SORL1: variants seen among roughly 807,000 people sequenced by gnomAD.
SORL1 encodes sortilin related receptor 1.
A neutral mutation model predicts 273.7 loss-of-function variants in SORL1; 127 were observed. The observed-to-expected ratio is 0.46, with a 90% CI of 0.40 to 0.54. SORL1 has a LOEUF of 0.54. SORL1 is among the 20% of genes least tolerant of loss of function. The pLI, the probability that SORL1 is intolerant of heterozygous loss-of-function variation, is 0.00. For missense variants in SORL1, 2,494 were observed against 2,846.1 expected (o/e 0.88, Z 2.81); for synonymous variants, 1,031 against 1,067.4 (o/e 0.97, Z 0.66).
chr11:121,484,939 G>A (rs1861450056), intron 3 of SORL1, among the ~76,000 whole-genome samples: 1 of 152,144 alleles, frequency 6.6e-6, no homozygotes, highest in Non-Finnish European at 1.5e-5. Flanking sequence ...ATTTTTAGTA[G>A]AGATGGGGTT....
At chr11:121,545,579 A>C in intron 14 of SORL1, 150 bp downstream of exon 14, 1 of 743,862 alleles carries the variant, frequency 1.3e-6, no homozygotes, top group East Asian at 2.7e-5. Context: ...TGTGCCAGGA[A>C]CTGTGCTAAG....
intron 6 of SORL1, among the ~76,000 whole-genome samples, chr11:121,503,174 T>A (rs538296545): frequency 6.6e-6 from 1 of 152,270 alleles, no homozygotes; most frequent in South Asian, 2.1e-4. Context: ...CCAGCCGTGT[T>A]TTTAATTTTG....
Position 121,570,140 on chromosome 11 carries a change from CG to C in SORL1, c.3224-16del. On this transcript the variant is annotated splice_polypyrimidine_tract_variant and intron_variant, in intron 22 of 47. Transcript: ENST00000260197. ...ATATTGGTTTCATTTCCTCCCCTGC[CG>C]CACTCTGATGGGTAGAGAACACCTG... 1 of 1,562,380 alleles carries C rather than the reference CG, an allele frequency of 6.4e-7. No homozygotes were observed. Among genetic ancestry groups the C allele is most frequent in the Admixed American group, 1.7e-5 (1 of 59,670 alleles).
At chr11:121,507,616 A>T (rs1419906624) in intron 6 of SORL1, among the ~76,000 whole-genome samples, 2 of 152,086 alleles carry the variant, frequency 1.3e-5, no homozygotes, top group African/African-American at 2.4e-5. Flanking sequence ...GCTTGTTTTT[A>T]AAAAATATTT....
rs911274962 is a variant in SORL1, at chr11:121,494,967, A to G, written c.759-1902A>G. On this transcript the variant is annotated intron_variant, in intron 5 of 47. Transcript: ENST00000260197. ...CCCACACATGCACACAGAGGATCTG[A>G]TAATGAAGAATAGTGTTCTCCCACA... Among the ~76,000 whole-genome samples, 5 of 152,350 alleles carry G rather than the reference A, an allele frequency of 3.3e-5. No homozygotes were observed. The East Asian group carries it at 9.6e-4, about 29-fold the overall frequency.
chr11:121,491,281 T>G (rs866452710), intron 5 of SORL1, among the ~76,000 whole-genome samples: 29 of 151,908 alleles, frequency 1.9e-4, no homozygotes, highest in African/African-American at 6.8e-4. Context: ...AGAAGAGGAG[T>G]GAAATAAACA....
intron 32 of SORL1, 51 bp from the exon 33 acceptor site, chr11:121,604,142 A>G: frequency 6.2e-7 from 1 of 1,603,682 alleles, no homozygotes; most frequent in Non-Finnish European, 8.5e-7. Flanking sequence ...CCCAGCCTTT[A>G]GTACCATACG....
intron 6 of SORL1, among the ~76,000 whole-genome samples, chr11:121,501,638 A>G (rs1022107792): frequency 1.3e-5 from 2 of 152,240 alleles, no homozygotes; most frequent in Non-Finnish European, 2.9e-5. Context: ...GCGGCAGGCA[A>G]GAGAGTGTGT....
Position 121,604,270 on chromosome 11 carries a change from C to T in SORL1, c.4597C>T (p.Arg1533Cys), listed in dbSNP as rs376141881. Residue 1533 changes from arginine to cysteine, a missense_variant, in exon 33 of 48, where the codon CGC (arginine) becomes TGC (cysteine). Arg to Cys is a radical substitution (Grantham distance 180, BLOSUM62 -3). Coordinates refer to ENST00000260197, the MANE Select transcript of SORL1 (RefSeq NM_003105.6). ...DGEACIVLSE[R>C]CDGFLDCSDE... ...GGAGGCCTGCATTGTGCTCTCGGAG[C>T]GCTGCGACGGCTTCCTGGACTGCTC... 13 of 1,613,890 alleles carry T rather than the reference C, an allele frequency of 8.1e-6. No individual in the cohort carries two copies. The highest frequency in any genetic ancestry group is 4.5e-5 in the East Asian group (2 of 44,886).
rs1034627068 is a variant in SORL1, at chr11:121,514,286, C to T, written c.1176C>T (p.Tyr392=). 1 of 1,614,090 alleles carries T rather than the reference C, an allele frequency of 6.2e-7. No homozygotes were observed. Among genetic ancestry groups the T allele is most frequent in the African/African-American group, 1.3e-5 (1 of 74,942 alleles). ...TGTCCTTGGAGAACGTGCTCTATTA[C>T]AGCCCAGGAGGGGCCGGCAGTGACA... ...FSLSLENVLY[Y]SPGGAGSDTL... Residue 392 remains tyrosine (Y), a synonymous_variant, in exon 8 of 48, where the codon TAC becomes TAT. Coordinates refer to ENST00000260197, the MANE Select transcript of SORL1 (RefSeq NM_003105.6).
Position 121,567,019 on chromosome 11 carries a change from A to C in SORL1, c.3129A>C (p.Pro1043=). ...ACAACAGTAGAAGCTGCAGGTGTCCAGAGGATGTGTCCAGCAGTGTGCTTC... is the reference window on the plus strand; with the variant it reads ...ACAACAGTAGAAGCTGCAGGTGTCCCGAGGATGTGTCCAGCAGTGTGCTTC... ...KANNSRSCRC[P]EDVSSSVLPS... is the part of the protein sequence containing the mutation. Residue 1043 remains proline (P), a synonymous_variant, in exon 22 of 48, where the codon CCA becomes CCC. Coordinates refer to ENST00000260197, the MANE Select transcript of SORL1 (RefSeq NM_003105.6). 6.2e-7 allele frequency: 1 copy of C among 1,614,200 alleles called. No homozygotes were observed. The highest frequency in any genetic ancestry group is 1.6e-4 in the Middle Eastern group (1 of 6,062).
chr11:121,584,027 T>C (rs1863055113), intron 26 of SORL1, among the ~76,000 whole-genome samples: 1 of 152,258 alleles, frequency 6.6e-6, no homozygotes, highest in African/African-American at 2.4e-5. Flanking sequence ...CACTTTATGC[T>C]ACCATAACCT....
intron 5 of SORL1, among the ~76,000 whole-genome samples, chr11:121,496,585 A>T (rs1042674900): frequency 6.6e-6 from 1 of 152,214 alleles, no homozygotes; most frequent in Non-Finnish European, 1.5e-5. Flanking sequence ...GAAACATTTT[A>T]TCTTGTACTA....
intron 6 of SORL1, among the ~76,000 whole-genome samples, chr11:121,508,608 C>T (rs1047091626): frequency 6.6e-6 from 1 of 152,208 alleles, no homozygotes; most frequent in Non-Finnish European, 1.5e-5. Context: ...CCTATTCTGT[C>T]CTCTCCAGTG....
intron 11 of SORL1, among the ~76,000 whole-genome samples, chr11:121,526,771 T>C (rs1429498425): frequency 6.6e-6 from 1 of 152,184 alleles, no homozygotes; most frequent in Non-Finnish European, 1.5e-5. Flanking sequence ...CAACTGATTT[T>C]TTATATATTC....
intron 38 of SORL1, chr11:121,610,237 T>C (rs1863542318): frequency 6.6e-6 from 1 of 152,248 alleles, no homozygotes; most frequent in African/African-American, 2.4e-5. Context: ...TATTGATCCA[T>C]TGAGCTCTTT....
chr11:121,519,685 GGGGCT>G (rs766162707), intron 8 of SORL1, among the ~76,000 whole-genome samples: 1 of 152,214 alleles, frequency 6.6e-6, no homozygotes, highest in Non-Finnish European at 1.5e-5. Context: ...TACCTGGAGA[GGGGCT>G]GTGTAACCCT....
intron 3 of SORL1, among the ~76,000 whole-genome samples, chr11:121,481,129 A>G (rs1462939945): frequency 3.1e-4 from 25 of 80,006 alleles, no homozygotes; most frequent in South Asian, 1.4e-3. Context: ...CTGTAGGCAG[A>G]CTCCATCTCT....
intron 33 of SORL1, 111 bp from the exon 34 acceptor site, chr11:121,605,002 C>T: frequency 1.2e-6 from 1 of 803,878 alleles, no homozygotes; most frequent in Admixed American, 2.5e-5. Flanking sequence ...AACTCCTGAG[C>T]TCAGGCAATT....
Sources: allele counts gnomAD v4.1 joint callset (sites outside exome capture counted in the v4.1 genomes callset), GRCh38; gene constraint gnomAD v4.1.1; transcripts MANE v1.5; gene names NCBI Gene and HGNC (gene_info 2026-07-23, HGNC 2026-07-21).